Variants in MROH9 observed in about 807,000 individuals in gnomAD.
The protein encoded by MROH9 is maestro heat-like repeat-containing protein family member 9.
MROH9 carries 92 observed loss-of-function variants against 98.2 expected under a neutral mutation model. The observed-to-expected ratio is 0.94, with a 90% CI of 0.79 to 1.11. The LOEUF is 1.11. MROH9 is among the 50% of genes most tolerant of loss of function. The pLI is 0.00. For synonymous variants in MROH9, 397 were observed against 368.9 expected (o/e 1.08, Z -0.87); for missense variants, 1,057 against 1,014.8 (o/e 1.04, Z -0.57).
chr1:171,044,942 C>G (rs183159058), intron 20 of MROH9, among the ~76,000 whole-genome samples: 1 of 102,498 alleles, frequency 9.8e-6, no homozygotes, highest in Non-Finnish European at 2.1e-5. Flanking sequence ...TTGTTGTTTT[C>G]AGTTCAATTC....
chr1:170,951,795 A>G (rs1408702740), intron 3 of MROH9, among the ~76,000 whole-genome samples: 1 of 152,140 alleles, frequency 6.6e-6, no homozygotes, highest in Non-Finnish European at 1.5e-5. Flanking sequence ...TAAAAGAGCA[A>G]AACAATGACC....
chr1:170,961,953 C>A lies in MROH9; in HGVS notation c.352C>A (p.Leu118Ile). The A allele has an allele frequency of 6.5e-7, 1 of 1,531,232 alleles. No individual in the cohort carries two copies. The highest frequency in any genetic ancestry group is 8.8e-7 in the Non-Finnish European group (1 of 1,130,148). The allele number at this position is 1,531,232 out of a possible 1,614,324, so 94.9% of individuals were successfully genotyped here. The change falls in exon 6 of 22, where the codon CTC (leucine) becomes ATC (isoleucine). Residue 118 changes from leucine (L) to isoleucine (I), a missense_variant. By Grantham distance (5) the Leu-to-Ile change is conservative. Transcript: ENST00000367759. ...TCTTACGAGCTTGGTGTCTAAAGAC[C>A]TCTACAAACTACAGATCTTAAAGGT... ...NILTSLVSKD[L>I]YKLQILKEML...
chr1:170,982,845 T>C (rs1650988283), intron 8 of MROH9, among the ~76,000 whole-genome samples: 1 of 152,200 alleles, frequency 6.6e-6, no homozygotes. Context: ...CAGTGAACCC[T>C]GTTTGTACCA....
At chr1:171,047,487 A>G (rs1653505516) in intron 20 of MROH9, among the ~76,000 whole-genome samples, 1 of 152,044 alleles carries the variant, frequency 6.6e-6, no homozygotes, top group South Asian at 2.1e-4. Context: ...TCAGCTCCAG[A>G]ATTTCTGCTT....
At chr1:171,047,232 G>A (rs1653498378) in intron 20 of MROH9, among the ~76,000 whole-genome samples, 1 of 152,098 alleles carries the variant, frequency 6.6e-6, no homozygotes, top group African/African-American at 2.4e-5. Flanking sequence ...GAAGATTTCT[G>A]TTATTAGCCC....
intron 20 of MROH9, among the ~76,000 whole-genome samples, chr1:171,040,063 T>C (rs771696190): frequency 2.0e-5 from 3 of 152,002 alleles, no homozygotes; most frequent in African/African-American, 4.8e-5. Context: ...AGAGACAACA[T>C]AGATGAACCT....
At chr1:170,971,522 C>G (rs916331099) in intron 7 of MROH9, among the ~76,000 whole-genome samples, 21 of 152,274 alleles carry the variant, frequency 1.4e-4, no homozygotes, top group African/African-American at 5.1e-4. Flanking sequence ...ATCAGTGTTA[C>G]CCCTTACTCT....
intron 1 of MROH9, among the ~76,000 whole-genome samples, chr1:170,940,078 G>A (rs61815198): frequency 0.097 from 14,730 of 152,216 alleles, 1,133 homozygotes; most frequent in African/African-American, 0.21. Flanking sequence ...CTTGGTGAAT[G>A]TGCTGGAGTA....
At chr1:171,003,326 C>T (rs1651846700) in intron 15 of MROH9, among the ~76,000 whole-genome samples, 1 of 152,146 alleles carries the variant, frequency 6.6e-6, no homozygotes, top group African/African-American at 2.4e-5. Flanking sequence ...CTTGTTTTGT[C>T]ATATTACCAG....
chr1:171,044,461 G>T (rs1460132677), intron 20 of MROH9, among the ~76,000 whole-genome samples: 1 of 152,064 alleles, frequency 6.6e-6, no homozygotes, highest in East Asian at 1.9e-4. Flanking sequence ...TGATATCAGG[G>T]TAACACTAGC....
chr1:170,974,427 G>T (rs761738833), intron 8 of MROH9, among the ~76,000 whole-genome samples: 44 of 152,040 alleles, frequency 2.9e-4, no homozygotes, highest in Non-Finnish European at 1.2e-4. Context: ...GAGGAAAAAG[G>T]ACATTACATA....
At chr1:170,977,772 C>T (rs1044814579) in intron 8 of MROH9, among the ~76,000 whole-genome samples, 1 of 152,178 alleles carries the variant, frequency 6.6e-6, no homozygotes, top group Admixed American at 6.5e-5. Context: ...GAGAAAGGGA[C>T]CTCAGCAGTG....
chr1:170,947,671 A>G, intron 3 of MROH9, 98 bp downstream of exon 3: 1 of 1,122,974 alleles, frequency 8.9e-7, no homozygotes, highest in South Asian at 1.4e-5. Context: ...AGTAATGTTT[A>G]AAATACATGT....
At chr1:171,052,911 A>G (rs1013168008) in intron 20 of MROH9, among the ~76,000 whole-genome samples, 1 of 152,080 alleles carries the variant, frequency 6.6e-6, no homozygotes, top group Non-Finnish European at 1.5e-5. Flanking sequence ...GAAGGGAAGG[A>G]TGGCCCATGC....
intron 8 of MROH9, among the ~76,000 whole-genome samples, chr1:170,975,244 A>G (rs1650636041): frequency 1.3e-5 from 2 of 152,160 alleles, no homozygotes; most frequent in South Asian, 4.1e-4. Context: ...AATATAAAAC[A>G]TACATGAATT....
chr1:171,021,910 A>AAC (rs200220817), intron 17 of MROH9, among the ~76,000 whole-genome samples: 4 of 151,706 alleles, frequency 2.6e-5, no homozygotes, highest in African/African-American at 7.3e-5. Context: ...AAGAAAAAAA[A>AAC]AAAATGACCC....
At chr1:170,953,895 A>AAAAAG (rs1649660805) in intron 3 of MROH9, among the ~76,000 whole-genome samples, 1 of 149,792 alleles carries the variant, frequency 6.7e-6, no homozygotes, top group Non-Finnish European at 1.5e-5. Context: ...AAGAAAGAAA[A>AAAAAG]AAAGAGAGAG....
chr1:170,991,756 A>G (rs1202164405), intron 11 of MROH9, among the ~76,000 whole-genome samples: 1 of 152,086 alleles, frequency 6.6e-6, no homozygotes, highest in Non-Finnish European at 1.5e-5. Flanking sequence ...TAATTTTTAT[A>G]TTAATCTACA....
chr1:170,991,325 C>G (rs750440800), intron 11 of MROH9, among the ~76,000 whole-genome samples: 4 of 151,986 alleles, frequency 2.6e-5, no homozygotes, highest in African/African-American at 9.7e-5. Context: ...CAAGGAGACA[C>G]GGCATATGAG....
Sources: allele counts gnomAD v4.1 joint callset (sites outside exome capture counted in the v4.1 genomes callset), GRCh38; gene constraint gnomAD v4.1.1; transcripts MANE v1.5; gene names NCBI Gene and HGNC (gene_info 2026-07-23, HGNC 2026-07-21).